SLC28A1: variants seen among roughly 807,000 people sequenced by gnomAD.
SLC28A1 encodes the protein sodium/nucleoside cotransporter 1.
Under a neutral mutation model 74.8 loss-of-function variants are expected in SLC28A1, and 64 were observed. The ratio of observed to expected loss-of-function variants is 0.86; its 90% CI spans 0.70 to 1.05. The LOEUF (loss-of-function observed/expected upper bound fraction) is 1.05. Ranked by LOEUF, SLC28A1 falls within the 50% of genes least tolerant of loss-of-function variation. The probability of loss-of-function intolerance (pLI) is 0.00; values close to 1 mark genes in which losing one functional copy is unlikely to be tolerated. For missense variants in SLC28A1, 828 were observed against 822.8 expected (o/e 1.01, Z -0.08); for synonymous variants, 359 against 335.0 (o/e 1.07, Z -0.78).
intron 8 of SLC28A1, among the ~76,000 whole-genome samples, chr15:84,908,042 G>A (rs995364037): frequency 6.6e-6 from 1 of 152,108 alleles, no homozygotes; most frequent in African/African-American, 2.4e-5. Flanking sequence ...CCCGGGATGG[G>A]GACAAGATGA....
intron 9 of SLC28A1, among the ~76,000 whole-genome samples, chr15:84,909,216 G>C (rs531948815): frequency 6.6e-6 from 1 of 152,158 alleles, no homozygotes; most frequent in East Asian, 1.9e-4. Flanking sequence ...GATCCTCTCA[G>C]GCGCTCCTCC....
chr15:84,922,967 C>T (rs972192118), intron 11 of SLC28A1, among the ~76,000 whole-genome samples: 1 of 152,204 alleles, frequency 6.6e-6, no homozygotes, highest in Non-Finnish European at 1.5e-5. Flanking sequence ...GATGGAGTCT[C>T]GCTCTGTCAC....
chr15:84,929,300 T>A (rs944241956), intron 12 of SLC28A1, among the ~76,000 whole-genome samples: 2 of 152,160 alleles, frequency 1.3e-5, no homozygotes, highest in African/African-American at 2.4e-5. Context: ...ATTCCAGCAC[T>A]TTGGGAGGCC....
rs1969487682 is a variant in SLC28A1 at position 84,919,064 on chromosome 15, G to A, written c.876+460G>A. Among the ~76,000 whole-genome samples, 3 of 152,130 alleles carry A rather than the reference G, an allele frequency of 2.0e-5. No individual in the cohort carries two copies. In the South Asian group the frequency reaches 6.2e-4, roughly 31 times the overall value. ...CCTGTCATGATACTAAAGAGAAATA[G>A]CACCAAAGTCTAATGTGGTCCTTGC... On this transcript the variant is annotated intron_variant, in intron 10 of 18. Coordinates refer to ENST00000394573, the MANE Select transcript of SLC28A1 (RefSeq NM_004213.5).
chr15:84,911,611 C>T (rs1028674323), intron 9 of SLC28A1, among the ~76,000 whole-genome samples: 6 of 151,844 alleles, frequency 4.0e-5, no homozygotes, highest in African/African-American at 1.4e-4. Flanking sequence ...CCTGTAATCC[C>T]AGTACTTTGG....
intron 2 of SLC28A1, chr15:84,887,416 G>C (rs2141614067): frequency 1.0e-6 from 1 of 984,686 alleles, no homozygotes; most frequent in African/African-American, 1.7e-5. Flanking sequence ...TGGGGTGGTG[G>C]CGCACGCCTG....
In SLC28A1 at chr15:84,887,777, C is replaced by G. The variant is rs199884642; in HGVS notation, c.17C>G (p.Ser6Trp). Residue 6 changes from serine to tryptophan, a missense_variant, in exon 3 of 19, where the codon TCG becomes TGG. Physicochemically the swap from Ser to Trp is radical, Grantham distance 177. Coordinates refer to ENST00000394573, the MANE Select transcript of SLC28A1 (RefSeq NM_004213.5). Reference protein sequence around the residue: MENDPSRRRESISLTP... With the variant: MENDPWRRRESISLTP... ...GTCTGGGACATGGAGAACGACCCCT[C>G]GAGACGAAGAGAGTCCATCTCTCTC... 5 of 1,614,072 alleles carry G rather than the reference C, an allele frequency of 3.1e-6. No homozygotes were observed. The South Asian group carries it at 3.3e-5, about 11-fold the overall frequency.
At chr15:84,933,350 C>G in intron 13 of SLC28A1, 75 bp downstream of exon 13, 2 of 1,543,846 alleles carry the variant, frequency 1.3e-6, no homozygotes, top group Non-Finnish European at 1.8e-6. Flanking sequence ...GTCCCGTTCT[C>G]TCTGTCCATC....
intron 15 of SLC28A1, among the ~76,000 whole-genome samples, chr15:84,938,984 ACAGTTGGAAAT>A (rs1247096784): frequency 6.6e-6 from 1 of 152,206 alleles, no homozygotes; most frequent in Non-Finnish European, 1.5e-5. Flanking sequence ...AGGCCAAGGA[ACAGTTGGAAAT>A]CACTGAAGAT....
At chr15:84,971,016 C>T in the SLC28A1 span, among the ~76,000 whole-genome samples, 2 of 152,144 alleles carry the variant, frequency 1.3e-5, no homozygotes, top group Non-Finnish European at 2.9e-5. Context: ...CTCTCCTGGC[C>T]GGCTGCAGGT....
At chr15:84,908,599 A>T in intron 8 of SLC28A1, 119 bp from the exon 9 acceptor site, 1 of 776,946 alleles carries the variant, frequency 1.3e-6, no homozygotes, top group Non-Finnish European at 2.2e-6. Context: ...CCCCCCCCGG[A>T]TAAGGGCCTG....
At chr15:84,931,296 C>G (rs968136212) in intron 12 of SLC28A1, among the ~76,000 whole-genome samples, 1 of 151,906 alleles carries the variant, frequency 6.6e-6, no homozygotes, top group Non-Finnish European at 1.5e-5. Flanking sequence ...ATGCAGTTGG[C>G]TTATTACAAA....
intron 5 of SLC28A1, among the ~76,000 whole-genome samples, chr15:84,890,922 A>C (rs1965302790): frequency 6.6e-6 from 1 of 152,222 alleles, no homozygotes; most frequent in African/African-American, 2.4e-5. Context: ...GAGGAGTCAC[A>C]GGAGCAAAGG....
chr15:84,894,268 A>G (rs1965691723), intron 5 of SLC28A1, among the ~76,000 whole-genome samples: 1 of 151,256 alleles, frequency 6.6e-6, no homozygotes, highest in Non-Finnish European at 1.5e-5. Flanking sequence ...GCTACTCGGG[A>G]GGCTGAGGCA....
At chr15:84,905,818 C>T (rs1235969848) in intron 8 of SLC28A1, among the ~76,000 whole-genome samples, 166 bp downstream of exon 8, 1 of 151,894 alleles carries the variant, frequency 6.6e-6, no homozygotes, top group East Asian at 1.9e-4. Context: ...GGGGACCAGG[C>T]AGTGCAGCTG....
At chr15:84,955,789 C>T in the SLC28A1 span, among the ~76,000 whole-genome samples, 15 of 152,316 alleles carry the variant, frequency 9.8e-5, no homozygotes, top group East Asian at 2.9e-3. Context: ...GCACTCCTAT[C>T]AGGGTTGTGG....
chr15:84,947,476 C>T (rs966936116), downstream of SLC28A1, among the ~76,000 whole-genome samples: 1 of 152,246 alleles, frequency 6.6e-6, no homozygotes, highest in Non-Finnish European at 1.5e-5. Flanking sequence ...CTGCAGGCCA[C>T]TTGAATATAG....
chr15:84,945,452 G>A lies in SLC28A1; in HGVS notation c.*252G>A, dbSNP rs1424963756. Reference sequence around the variant, plus strand: ...AACTCCCCCAGTGTGAATTCTCAGGGTCACTTCTGCCTCCTCCCGTTTCCC... The same window carrying A: ...AACTCCCCCAGTGTGAATTCTCAGGATCACTTCTGCCTCCTCCCGTTTCCC... On this transcript the variant is annotated 3_prime_UTR_variant, in exon 19 of 19. Transcript: ENST00000394573. 1 of 518,142 alleles carries A rather than the reference G, an allele frequency of 1.9e-6. No homozygotes were observed. The highest frequency in any genetic ancestry group is 1.9e-5 in the South Asian group (1 of 51,568). The allele number at this position is 518,142 out of a possible 1,614,324, so 32.1% of individuals were successfully genotyped here. A position where few individuals can be genotyped will look rare whatever the true frequency, so the allele number is the denominator to read the frequency against.
intron 15 of SLC28A1, among the ~76,000 whole-genome samples, chr15:84,941,498 C>G (rs1488141187): frequency 6.6e-6 from 1 of 152,052 alleles, no homozygotes; most frequent in African/African-American, 2.4e-5. Flanking sequence ...ACCCACTGCA[C>G]CCGGCCGGGA....
Sources: allele counts gnomAD v4.1 joint callset (sites outside exome capture counted in the v4.1 genomes callset), GRCh38; gene constraint gnomAD v4.1.1; transcripts MANE v1.5; gene names NCBI Gene and HGNC (gene_info 2026-07-23, HGNC 2026-07-21).